The following CDH20 variants were observed in gnomAD, a reference collection of about 807,000 sequenced individuals.
CDH20 encodes cadherin-20.
CDH20 carries 29 observed loss-of-function variants against 74.2 expected under a neutral mutation model. The ratio of observed to expected loss-of-function variants is 0.39; its 90% CI spans 0.29 to 0.53. CDH20 has a LOEUF of 0.53. Ranked by LOEUF, CDH20 falls within the 20% of genes least tolerant of loss-of-function variation. The probability of loss-of-function intolerance (pLI) is 0.69; values close to 1 mark genes in which losing one functional copy is unlikely to be tolerated. For missense variants in CDH20, 988 were observed against 1,048.3 expected (o/e 0.94, Z 0.79); for synonymous variants, 469 against 405.4 (o/e 1.16, Z -1.88).
At chr18:61,424,422 A>T (rs532984058) in intron 1 of CDH20, among the ~76,000 whole-genome samples, 1 of 152,320 alleles carries the variant, frequency 6.6e-6, no homozygotes, top group South Asian at 2.1e-4. Context: ...CTCTCTGAGC[A>T]TTGGAAAGTA....
At chr18:61,336,824 G>GGC (rs1555668891) in intron 1 of CDH20, among the ~76,000 whole-genome samples, 1 of 150,470 alleles carries the variant, frequency 6.6e-6, no homozygotes, top group African/African-American at 2.4e-5. Context: ...ATATGGGGGG[G>GGC]GGTGATGAGA....
At chr18:61,489,536 C>T (rs1484315179) in intron 1 of CDH20, among the ~76,000 whole-genome samples, 2 of 151,306 alleles carry the variant, frequency 1.3e-5, no homozygotes, top group African/African-American at 4.9e-5. Context: ...AGTGAGGTCA[C>T]CAGCTAAATG....
chr18:61,554,550 G>A lies in CDH20; in HGVS notation c.2261G>A (p.Gly754Asp), dbSNP rs1913558508. ...CAGACGTATATGTTCGAGGGGGACG[G>A]CTCTGTGGCGGGGTCGCTGAGCTCC... The part of the protein sequence containing the change: ...SLQTYMFEGD[G>D]SVAGSLSSLQ... Residue 754 changes from glycine to aspartate, a missense_variant, in exon 12 of 12, where the codon GGC becomes GAC. Coordinates refer to ENST00000262717, the MANE Select transcript of CDH20 (RefSeq NM_031891.4). 1 of 1,612,842 alleles carries A rather than the reference G, an allele frequency of 6.2e-7. No individual in the cohort carries two copies. The highest frequency in any genetic ancestry group is 1.7e-5 in the Admixed American group (1 of 59,970).
Position 61,554,826 on chromosome 18 carries a change from C to G in CDH20, c.*131C>G. ...AATGGGGGTGAGCAGGCGAACAGAG[C>G]TCTCTCTGGATCAGCTTTACTTGGG... is the stretch of plus-strand genomic sequence containing the variant. On this transcript the variant is annotated 3_prime_UTR_variant, in exon 12 of 12. Transcript: ENST00000262717. 1 of 1,428,896 alleles carries G rather than the reference C, an allele frequency of 7.0e-7. No individual in the cohort carries two copies. The allele number at this position is 1,428,896 out of a possible 1,614,324, so 88.5% of individuals were successfully genotyped here. A position where few individuals can be genotyped will look rare whatever the true frequency, so the allele number is the denominator to read the frequency against.
chr18:61,376,838 T>G (rs1025741046), intron 1 of CDH20, among the ~76,000 whole-genome samples: 1 of 152,058 alleles, frequency 6.6e-6, no homozygotes, highest in East Asian at 1.9e-4. Context: ...AGGGAGATAA[T>G]GGCTAGGAAT....
chr18:61,356,318 T>G (rs1056300507), intron 1 of CDH20, among the ~76,000 whole-genome samples: 1 of 152,244 alleles, frequency 6.6e-6, no homozygotes, highest in African/African-American at 2.4e-5. Context: ...CTATACAGTA[T>G]GACTCCACTT....
intron 1 of CDH20, among the ~76,000 whole-genome samples, chr18:61,488,941 A>G (rs1451873455): frequency 6.6e-6 from 1 of 152,188 alleles, no homozygotes; most frequent in Non-Finnish European, 1.5e-5. Context: ...AGAACAGCTA[A>G]TATTTGGTAA....
intron 1 of CDH20, among the ~76,000 whole-genome samples, chr18:61,460,011 C>G (rs1193304584): frequency 6.6e-6 from 1 of 152,138 alleles, no homozygotes; most frequent in African/African-American, 2.4e-5. Flanking sequence ...CTTGTTGGAA[C>G]AATTTGACCT....
intron 1 of CDH20, among the ~76,000 whole-genome samples, chr18:61,402,212 A>G (rs1912177565): frequency 6.6e-6 from 1 of 152,174 alleles, no homozygotes; most frequent in Admixed American, 6.5e-5. Flanking sequence ...GTGCTGATGG[A>G]ACTTTTGAAA....
chr18:61,373,792 C>T (rs1911120624), intron 1 of CDH20, among the ~76,000 whole-genome samples: 1 of 152,102 alleles, frequency 6.6e-6, no homozygotes, highest in South Asian at 2.1e-4. Context: ...GGAAGTTGTC[C>T]TTTCCAATAC....
chr18:61,423,617 A>G (rs542917132), intron 1 of CDH20, among the ~76,000 whole-genome samples: 1 of 151,850 alleles, frequency 6.6e-6, no homozygotes, highest in Non-Finnish European at 1.5e-5. Context: ...GCTACATTTT[A>G]TAACATCTAG....
At chr18:61,426,170 T>C (rs1346544962) in intron 1 of CDH20, among the ~76,000 whole-genome samples, 1 of 152,076 alleles carries the variant, frequency 6.6e-6, no homozygotes. Flanking sequence ...AAAGTCATTT[T>C]ACTTCTTCCT....
intron 1 of CDH20, among the ~76,000 whole-genome samples, chr18:61,380,476 C>T (rs1599047241): frequency 1.3e-5 from 2 of 152,182 alleles, no homozygotes; most frequent in Admixed American, 6.5e-5. Flanking sequence ...AAAGCCAGTC[C>T]ATATTTTCAT....
intron 1 of CDH20, among the ~76,000 whole-genome samples, chr18:61,457,152 G>GCATT (rs1233034147): frequency 6.6e-6 from 1 of 152,052 alleles, no homozygotes; most frequent in Non-Finnish European, 1.5e-5. Flanking sequence ...TGTGTTTGAT[G>GCATT]CATTCCCTGA....
At chr18:61,341,706 G>A (rs1383154711) in intron 1 of CDH20, among the ~76,000 whole-genome samples, 2 of 152,160 alleles carry the variant, frequency 1.3e-5, no homozygotes, top group Non-Finnish European at 2.9e-5. Context: ...GAATCTAAAT[G>A]TATGCCTATA....
chr18:61,406,737 C>T (rs957021438), intron 1 of CDH20, among the ~76,000 whole-genome samples: 9 of 152,048 alleles, frequency 5.9e-5, no homozygotes, highest in East Asian at 1.9e-4. Flanking sequence ...TGGAGGAAAG[C>T]GGAGGAATTC....
In CDH20 at chr18:61,500,398, A is replaced by G. The variant is rs937950352; in HGVS notation, c.557A>G (p.Gln186Arg). 1 of 1,612,516 alleles carries G rather than the reference A, an allele frequency of 6.2e-7. No individual in the cohort carries two copies. Among genetic ancestry groups the G allele is most frequent in the Admixed American group, 1.7e-5 (1 of 59,994 alleles). Reference sequence around the variant, plus strand: ...TCTTCCCCAGGTACCTCCGTCATCCAAGTGACAGCCACAGATGCAGATGAC... The same window carrying G: ...TCTTCCCCAGGTACCTCCGTCATCCGAGTGACAGCCACAGATGCAGATGAC... ...EMSPVGTSVI[Q>R]VTATDADDPT... is the part of the protein sequence containing the mutation. Residue 186 changes from glutamine to arginine, a missense_variant, in exon 4 of 12, where the codon CAA (glutamine) becomes CGA (arginine). Around this residue, in one of 2 missense-constraint regions of CDH20, gnomAD observed 613 missense variants for 755.2 expected, o/e 0.81. Coordinates refer to ENST00000262717, the MANE Select transcript of CDH20 (RefSeq NM_031891.4).
chr18:61,407,540 G>A (rs1912370329), intron 1 of CDH20, among the ~76,000 whole-genome samples: 1 of 152,120 alleles, frequency 6.6e-6, no homozygotes, highest in African/African-American at 2.4e-5. Context: ...AATTACGCAG[G>A]ATCTTAGAAG....
chr18:61,472,911 C>T (rs1000500963), intron 1 of CDH20, among the ~76,000 whole-genome samples: 1 of 152,170 alleles, frequency 6.6e-6, no homozygotes, highest in African/African-American at 2.4e-5. Flanking sequence ...CCAGTTAGGT[C>T]GTGCTTATGT....
Sources: gnomAD v4.1 joint callset for allele counts (sites outside exome capture counted in the v4.1 genomes callset) on GRCh38, gnomAD v4.1.1 for gene constraint, gnomAD v4.1.1 regional missense constraint, MANE v1.5 for transcripts, NCBI Gene and HGNC (gene_info 2026-07-23, HGNC 2026-07-21) for gene names.